The following RBFOX1 variants were observed in gnomAD, a reference collection of about 807,000 sequenced individuals.
RBFOX1 encodes the protein RNA binding fox-1 homolog 1, also known as RNA binding protein fox-1 homolog 1.
A neutral mutation model predicts 57.7 loss-of-function variants in RBFOX1; 8 were observed. The observed-to-expected ratio is 0.14, with a 90% CI of 0.08 to 0.25. The LOEUF is 0.25. Ranked by LOEUF, RBFOX1 falls within the 10% of genes least tolerant of loss-of-function variation. The probability of loss-of-function intolerance (pLI) is 1.00; values close to 1 mark genes in which losing one functional copy is unlikely to be tolerated. For synonymous variants in RBFOX1, 326 were observed against 222.4 expected (o/e 1.47, Z -4.15); for missense variants, 611 against 548.5 (o/e 1.11, Z -1.14).
chr16:5,285,211 C>T lies in RBFOX1; in HGVS notation c.219+45106C>T, dbSNP rs374754835. Among the ~76,000 whole-genome samples the T allele has an allele frequency of 4.6e-5, 7 of 152,056 alleles. No homozygotes were observed. The East Asian group carries it at 5.8e-4, about 13-fold the overall frequency. The stretch of plus-strand genomic sequence containing the variant: ...AGACTAGTCTTCAACTTCAGAAATT[C>T]TTTGTTTTGCTTGATCTAGTCTATT... On this transcript the variant is annotated intron_variant, in intron 1 of 2. Transcript: ENST00000585867.
At chr16:7,078,686 A>ATT (rs141609189) in intron 4 of RBFOX1, among the ~76,000 whole-genome samples, 3 of 135,500 alleles carry the variant, frequency 2.2e-5, no homozygotes, top group East Asian at 2.2e-4. Flanking sequence ...TATTTATTTT[A>ATT]TTTTATTTTT....
intron 1 of RBFOX1, among the ~76,000 whole-genome samples, chr16:6,045,125 A>G (rs981680350): frequency 3.9e-5 from 6 of 152,222 alleles, no homozygotes; most frequent in African/African-American, 1.4e-4. Flanking sequence ...AATTTTAATG[A>G]GCGTGCAAAT....
At chr16:6,827,403 A>T (rs1157241539) in intron 3 of RBFOX1, among the ~76,000 whole-genome samples, 1 of 152,094 alleles carries the variant, frequency 6.6e-6, no homozygotes, top group East Asian at 1.9e-4. Flanking sequence ...CTGGAGGGGA[A>T]GTGCTTATAG....
chr16:6,691,788 A>G (rs550714256), intron 3 of RBFOX1, among the ~76,000 whole-genome samples: 16 of 152,312 alleles, frequency 1.1e-4, no homozygotes, highest in Non-Finnish European at 1.5e-4. Context: ...GAGGAAAATT[A>G]ATTATCCAGA....
At chr16:6,451,919 C>G (rs1028971699) in intron 2 of RBFOX1, among the ~76,000 whole-genome samples, 1 of 135,114 alleles carries the variant, frequency 7.4e-6, no homozygotes, top group African/African-American at 2.8e-5. Context: ...CATCCATGGC[C>G]CCTTCCTTCC....
At chr16:6,270,359 G>T (rs2075058301) in intron 1 of RBFOX1, among the ~76,000 whole-genome samples, 1 of 151,284 alleles carries the variant, frequency 6.6e-6, no homozygotes, top group Non-Finnish European at 1.5e-5. Flanking sequence ...TAATAGTATA[G>T]GTAGACTGAA....
intron 3 of RBFOX1, among the ~76,000 whole-genome samples, chr16:6,797,730 C>G (rs1054288046): frequency 6.6e-6 from 1 of 152,086 alleles, no homozygotes; most frequent in Admixed American, 6.6e-5. Flanking sequence ...TGTTTCCAAA[C>G]CACGTTGGCT....
At chr16:5,366,319 A>G (rs780751738) in intron 1 of RBFOX1, 2 of 363,948 alleles carry the variant, frequency 5.5e-6, no homozygotes, top group Non-Finnish European at 1.1e-5. Context: ...GAAGATGATG[A>G]TGATGATGAT....
At chr16:7,113,336 A>G (rs1021520969) in intron 4 of RBFOX1, among the ~76,000 whole-genome samples, 2 of 152,294 alleles carry the variant, frequency 1.3e-5, no homozygotes, top group Admixed American at 1.3e-4. Flanking sequence ...CTTATACAAT[A>G]TAATGAAAAA....
chr16:6,241,085 C>T (rs899575187), intron 1 of RBFOX1, among the ~76,000 whole-genome samples: 1 of 152,120 alleles, frequency 6.6e-6, no homozygotes, highest in Admixed American at 6.5e-5. Flanking sequence ...CAACTTATCC[C>T]TCCTGGAAAT....
At chr16:7,645,085 G>T (rs184972011) in intron 11 of RBFOX1, among the ~76,000 whole-genome samples, 109 of 152,258 alleles carry the variant, frequency 7.2e-4, no homozygotes, top group African/African-American at 2.5e-3. Context: ...CCAGCACGTT[G>T]TCACCATCTT....
chr16:5,815,373 C>A (rs1000392866), intron 3 of RBFOX1, among the ~76,000 whole-genome samples: 4 of 151,988 alleles, frequency 2.6e-5, no homozygotes, highest in South Asian at 4.2e-4. Context: ...GTTTGGAGAC[C>A]CCAGTGGTCA....
chr16:6,549,827 C>A (rs1004057421), intron 2 of RBFOX1, among the ~76,000 whole-genome samples: 8 of 151,884 alleles, frequency 5.3e-5, no homozygotes, highest in African/African-American at 1.9e-4. Context: ...GATTTTAGGT[C>A]GATCCTAAAA....
chr16:6,273,916 C>T (rs564273113), intron 1 of RBFOX1, among the ~76,000 whole-genome samples: 2 of 151,986 alleles, frequency 1.3e-5, no homozygotes, highest in Non-Finnish European at 2.9e-5. Context: ...GAAGAGGATA[C>T]ACAGATGGCA....
intron 4 of RBFOX1, among the ~76,000 whole-genome samples, chr16:7,351,738 G>A (rs566482217): frequency 6.6e-5 from 10 of 152,246 alleles, no homozygotes; most frequent in South Asian, 6.2e-4. Context: ...TGTCCACAGG[G>A]AGCAGCTGAC....
intron 3 of RBFOX1, among the ~76,000 whole-genome samples, chr16:5,779,246 GTC>G (rs1210449972): frequency 2.6e-5 from 4 of 152,272 alleles, no homozygotes; most frequent in Admixed American, 6.5e-5. Flanking sequence ...CCCTCTGTCA[GTC>G]TCTGTCCCTC....
At chr16:7,504,731 A>ATATATT (rs2072308817) in intron 4 of RBFOX1, among the ~76,000 whole-genome samples, 4 of 7,288 alleles carry the variant, frequency 5.5e-4, no homozygotes, top group Non-Finnish European at 1.3e-3. Context: ...ATATATATAT[A>ATATATT]TATATATATA....
At chr16:6,300,318 A>G (rs139334176) in intron 1 of RBFOX1, among the ~76,000 whole-genome samples, 202 of 152,334 alleles carry the variant, frequency 1.3e-3, no homozygotes, top group African/African-American at 4.6e-3. Flanking sequence ...CTAAAAGAGT[A>G]CGTTTTAAGT....
intron 2 of RBFOX1, among the ~76,000 whole-genome samples, chr16:5,500,925 G>C (rs1029137113): frequency 4.6e-5 from 7 of 152,156 alleles, no homozygotes; most frequent in Non-Finnish European, 8.8e-5. Flanking sequence ...AAGGAATTAT[G>C]GCTGGGAGAA....
Sources: allele counts gnomAD v4.1 joint callset (sites outside exome capture counted in the v4.1 genomes callset), GRCh38; gene constraint gnomAD v4.1.1; transcripts MANE v1.5; gene names NCBI Gene and HGNC (gene_info 2026-07-23, HGNC 2026-07-21).